LANCL3: variants seen among roughly 807,000 people sequenced by gnomAD.
The protein encoded by LANCL3 is LanC like family member 3.
A neutral mutation model predicts 26.5 loss-of-function variants in LANCL3; 19 were observed. The observed-to-expected ratio is 0.72, with a 90% CI of 0.50 to 1.05. LANCL3 has a LOEUF of 1.05. LANCL3 is among the 50% of genes least tolerant of loss of function. The pLI, the probability that LANCL3 is intolerant of heterozygous loss-of-function variation, is 0.00. For missense variants in LANCL3, 318 were observed against 362.7 expected (o/e 0.88, Z 1.00); for synonymous variants, 160 against 166.6 (o/e 0.96, Z 0.30).
intron 1 of LANCL3, among the ~76,000 whole-genome samples, chrX:37,604,670 G>A (rs1169598200): frequency 8.9e-6 from 1 of 111,946 alleles, no homozygotes; most frequent in Non-Finnish European, 1.9e-5. Context: ...GACAGGGGTG[G>A]CTCAAAATCA....
chrX:37,622,469 A>T (rs964826167), intron 1 of LANCL3, among the ~76,000 whole-genome samples: 31 of 110,463 alleles, frequency 2.8e-4, no homozygotes, highest in African/African-American at 9.6e-4. Flanking sequence ...TGAAAAAAAA[A>T]TTTTTTTAAC....
intron 3 of LANCL3, among the ~76,000 whole-genome samples, chrX:37,666,523 A>G (rs1556434045): frequency 8.9e-6 from 1 of 112,276 alleles, no homozygotes; most frequent in Non-Finnish European, 1.9e-5. Context: ...TATATAGGAG[A>G]AAGGTAGGCT....
chrX:37,585,725 A>T (rs1422133917), intron 1 of LANCL3, among the ~76,000 whole-genome samples: 2 of 111,734 alleles, frequency 1.8e-5, no homozygotes, highest in Non-Finnish European at 3.8e-5. Flanking sequence ...AATACAGCAC[A>T]GTGATGGGTC....
chrX:37,667,574 G>T, intron 4 of LANCL3, 85 bp downstream of exon 4: 2 of 719,552 alleles, frequency 2.8e-6, no homozygotes, highest in Non-Finnish European at 1.9e-6. Flanking sequence ...CACATGGTTT[G>T]AAAAGCATAA....
At chrX:37,574,656 T>G (rs1241789229) in intron 1 of LANCL3, among the ~76,000 whole-genome samples, 2 of 111,681 alleles carry the variant, frequency 1.8e-5, no homozygotes, top group African/African-American at 6.5e-5. Context: ...CTATTACTTT[T>G]TCTCCAGTGG....
At chrX:37,574,904 T>C (rs1923705253) in intron 1 of LANCL3, among the ~76,000 whole-genome samples, 1 of 108,633 alleles carries the variant, frequency 9.2e-6, no homozygotes. Context: ...TGTGTGTGTG[T>C]GTGTGTGTAT....
intron 1 of LANCL3, among the ~76,000 whole-genome samples, chrX:37,646,546 C>CT (rs1556426983): frequency 8.9e-6 from 1 of 112,484 alleles, no homozygotes; most frequent in African/African-American, 3.2e-5. Context: ...AACAATTTCT[C>CT]TAACTTTTTA....
chrX:37,584,948 C>T (rs781897352), intron 1 of LANCL3, among the ~76,000 whole-genome samples: 4 of 111,696 alleles, frequency 3.6e-5, no homozygotes, highest in Non-Finnish European at 5.6e-5. Flanking sequence ...CTATAAATTT[C>T]CCTCTACACA....
intron 1 of LANCL3, among the ~76,000 whole-genome samples, chrX:37,607,128 C>T (rs782297895): frequency 2.8e-4 from 31 of 112,280 alleles, no homozygotes; most frequent in Non-Finnish European, 4.3e-4. Context: ...TCAGCAATTT[C>T]GCAGTTTCTT....
chrX:37,596,035 C>A (rs782763499), intron 1 of LANCL3, among the ~76,000 whole-genome samples: 7 of 112,019 alleles, frequency 6.2e-5, no homozygotes, highest in Non-Finnish European at 9.4e-5. Flanking sequence ...AGTAAGTTTA[C>A]TTTTACCACA....
intron 1 of LANCL3, among the ~76,000 whole-genome samples, chrX:37,621,348 A>G (rs1312282541): frequency 8.9e-6 from 1 of 112,181 alleles, no homozygotes; most frequent in African/African-American, 3.2e-5. Context: ...AGAAAATTCA[A>G]GATACTTGGT....
chrX:37,636,190 A>G (rs1325760562), intron 1 of LANCL3, among the ~76,000 whole-genome samples: 10 of 112,284 alleles, frequency 8.9e-5, no homozygotes, highest in Non-Finnish European at 1.1e-4. Flanking sequence ...TATATGTACT[A>G]CATTTCCTTT....
rs1569459854 is a variant in LANCL3, at chrX:37,572,042, GC to G, written c.173del (p.Ala58ValfsTer136). The G allele has an allele frequency of 8.5e-7, 1 of 1,180,007 alleles. No homozygotes were observed. Among genetic ancestry groups the G allele is most frequent in the South Asian group, 1.8e-5 (1 of 54,214 alleles). ...GAEARGATAGASACQGGLYGG... is the reference protein window; with the variant it reads ...GAEARGATAGXSACQGGLYGG... ...GGAGGCCCGAGGGGCGACGGCGGGG[GC>G]TAGCGCCTGCCAGGGGGGGCTTTAT... On this transcript the variant is annotated frameshift_variant, in exon 1 of 5. Coordinates refer to ENST00000378619, the MANE Select transcript of LANCL3 (RefSeq NM_001170331.2). LOFTEE classifies it high-confidence loss of function.
Position 37,590,121 on chromosome X carries a change from A to G in LANCL3, c.573+17678A>G. Among the ~76,000 whole-genome samples the G allele has an allele frequency of 3.5e-5, 4 of 112,691 alleles. 1 individual carries two copies. ...TGGCTTGAAGATACTGTAAATTGCC[A>G]TATAGGTGATGTTGGAATATTTGCT... On this transcript the variant is annotated intron_variant, in intron 1 of 4. Coordinates refer to ENST00000378619, the MANE Select transcript of LANCL3 (RefSeq NM_001170331.2).
At chrX:37,638,099 C>T (rs1925756036) in intron 1 of LANCL3, among the ~76,000 whole-genome samples, 1 of 111,180 alleles carries the variant, frequency 9.0e-6, no homozygotes, top group South Asian at 3.9e-4. Context: ...GGGAGGTCAC[C>T]TTCAGCCACA....
At position 37,684,431 on chromosome X, in the gene LANCL3, C is replaced by G. The variant is rs1410066754; in HGVS notation, c.*8618C>G. 4 of 112,741 alleles carry G rather than the reference C, an allele frequency of 3.5e-5. No individual in the cohort carries two copies. Among genetic ancestry groups the G allele is most frequent in the Admixed American group, 1.9e-4 (2 of 10,682 alleles). 9.3% of individuals were successfully genotyped at this position (112,741 alleles called of 1,213,427 possible). A position where few individuals can be genotyped will look rare whatever the true frequency, so the allele number is the denominator to read the frequency against. On this transcript the variant is annotated 3_prime_UTR_variant, in exon 5 of 5. Transcript: ENST00000378619. ...CACTTAATGTAAAACCTGTGATAAT[C>G]CTTTGCCTTAAAATAAAATCTAATG...
At chrX:37,638,809 A>G (rs1267427113) in intron 1 of LANCL3, among the ~76,000 whole-genome samples, 1 of 110,147 alleles carries the variant, frequency 9.1e-6, no homozygotes, top group African/African-American at 3.3e-5. Flanking sequence ...CACACACCCA[A>G]ACCCCCAAAC....
chrX:37,617,211 G>C (rs1355648389), intron 1 of LANCL3, among the ~76,000 whole-genome samples: 10 of 111,013 alleles, frequency 9.0e-5, no homozygotes, highest in Non-Finnish European at 1.5e-4. Flanking sequence ...GCCGTTGGAG[G>C]ATGAAGAAAT....
intron 1 of LANCL3, among the ~76,000 whole-genome samples, chrX:37,631,435 T>C (rs1456867517): frequency 8.9e-6 from 1 of 111,864 alleles, no homozygotes; most frequent in Non-Finnish European, 1.9e-5. Flanking sequence ...GAAGGGTTTT[T>C]TGTGTCTCTA....
Sources: allele counts gnomAD v4.1 joint callset (sites outside exome capture counted in the v4.1 genomes callset), GRCh38; gene constraint gnomAD v4.1.1; transcripts MANE v1.5; gene names NCBI Gene and HGNC (gene_info 2026-07-23, HGNC 2026-07-21).